The following CMSS1 variants were observed in gnomAD, a reference collection of about 807,000 sequenced individuals.
CMSS1 encodes the protein protein CMSS1.
CMSS1 carries 33 observed loss-of-function variants against 43.5 expected under a neutral mutation model. The ratio of observed to expected loss-of-function variants is 0.76; its 90% CI spans 0.57 to 1.01. The LOEUF (loss-of-function observed/expected upper bound fraction) is 1.01, where lower values mean the gene tolerates loss of function less well. CMSS1 is among the 50% of genes least tolerant of loss of function. The pLI, the probability that CMSS1 is intolerant of heterozygous loss-of-function variation, is 0.00. For synonymous variants in CMSS1, 115 were observed against 117.2 expected, an observed-to-expected ratio of 0.98 and a Z score of 0.12; for missense variants, 313 against 326.4, an observed-to-expected ratio of 0.96 and a Z score of 0.32.
At chr3:99,955,291 T>C (rs1708290499) in intron 1 of CMSS1, among the ~76,000 whole-genome samples, 1 of 152,196 alleles carries the variant, frequency 6.6e-6, no homozygotes, top group African/African-American at 2.4e-5. Flanking sequence ...AAGACTTTGA[T>C]TTTCAGAGTT....
chr3:99,999,392 T>G (rs1297698655), intron 1 of CMSS1, among the ~76,000 whole-genome samples: 1 of 152,176 alleles, frequency 6.6e-6, no homozygotes, highest in Non-Finnish European at 1.5e-5. Context: ...TGTGCAATAG[T>G]AGTTGTATTT....
At chr3:100,037,606 G>A (rs1025411156) in intron 1 of CMSS1, among the ~76,000 whole-genome samples, 5 of 152,120 alleles carry the variant, frequency 3.3e-5, no homozygotes, top group African/African-American at 1.2e-4. Flanking sequence ...CAATCTTTAT[G>A]TTCAAATCAT....
chr3:99,954,353 C>G (rs1383846811), intron 1 of CMSS1, among the ~76,000 whole-genome samples: 1 of 152,180 alleles, frequency 6.6e-6, no homozygotes, highest in Admixed American at 6.5e-5. Context: ...GCCAGTATCT[C>G]ACATAATAAT....
At chr3:99,967,488 G>A (rs1394076801) in intron 1 of CMSS1, among the ~76,000 whole-genome samples, 1 of 152,156 alleles carries the variant, frequency 6.6e-6, no homozygotes, top group African/African-American at 2.4e-5. Context: ...GATCCAGTGG[G>A]TCAACTGAAT....
rs2066847818 is a variant in CMSS1 at position 100,146,147 on chromosome 3, T to G, written c.65-826T>G. The stretch of plus-strand genomic sequence containing the variant: ...TTTAAAGGAAGCAAGCACTAAAATC[T>G]GAAAGGCAGCGCGACATTATGGGAA... On this transcript the variant is annotated intron_variant, in intron 1 of 9. Coordinates refer to ENST00000421999, the MANE Select transcript of CMSS1 (RefSeq NM_032359.4). 2.0e-5 allele frequency among the ~76,000 whole-genome samples: 3 copies of G among 152,252 alleles called. No individual in the cohort carries two copies. In the South Asian group the frequency reaches 6.2e-4, roughly 32 times the overall value.
chr3:99,913,683 A>G (rs1190782792), intron 1 of CMSS1, among the ~76,000 whole-genome samples: 2 of 152,206 alleles, frequency 1.3e-5, no homozygotes, highest in Admixed American at 6.5e-5. Context: ...ACAAGAAACT[A>G]TTCATGGTGG....
chr3:100,113,266 T>C (rs1029710930), intron 1 of CMSS1, among the ~76,000 whole-genome samples: 1 of 152,240 alleles, frequency 6.6e-6, no homozygotes, highest in Non-Finnish European at 1.5e-5. Flanking sequence ...ACCCTAAACA[T>C]TGAATAATCC....
intron 1 of CMSS1, among the ~76,000 whole-genome samples, chr3:100,131,290 T>A (rs1489719): frequency 0.038 from 5,812 of 152,242 alleles, 186 homozygotes; most frequent in East Asian, 0.17. Context: ...GTAATTTTAA[T>A]CCCCGTGCTA....
chr3:99,944,530 G>A (rs190117702), intron 1 of CMSS1, among the ~76,000 whole-genome samples: 7 of 152,260 alleles, frequency 4.6e-5, no homozygotes, highest in Admixed American at 1.3e-4. Flanking sequence ...ACACTAAATC[G>A]TTAGGCACTG....
At chr3:99,908,576 C>CT (rs886802800) in intron 1 of CMSS1, among the ~76,000 whole-genome samples, 1 of 152,118 alleles carries the variant, frequency 6.6e-6, no homozygotes, top group African/African-American at 2.4e-5. Context: ...TCCTTGAGGC[C>CT]TAATTCTCCT....
intron 1 of CMSS1, among the ~76,000 whole-genome samples, chr3:100,045,102 T>G (rs1469250083): frequency 6.6e-6 from 1 of 152,244 alleles, no homozygotes; most frequent in Admixed American, 6.5e-5. Flanking sequence ...AAAACAGATC[T>G]GGCGCTCACA....
chr3:100,162,573 T>G, intron 4 of CMSS1, 141 bp downstream of exon 4: 1 of 858,536 alleles, frequency 1.2e-6, no homozygotes, highest in East Asian at 2.9e-5. Flanking sequence ...TTTGGGAGAC[T>G]GAGGCTAGAG....
At chr3:100,093,741 ACTT>A (rs1262306479) in intron 1 of CMSS1, among the ~76,000 whole-genome samples, 1 of 152,172 alleles carries the variant, frequency 6.6e-6, no homozygotes, top group African/African-American at 2.4e-5. Context: ...GGCAATCACT[ACTT>A]CTCAATTTAT....
At chr3:100,020,033 G>A (rs1413795897) in intron 1 of CMSS1, among the ~76,000 whole-genome samples, 1 of 151,972 alleles carries the variant, frequency 6.6e-6, no homozygotes. Context: ...AATTACCCTG[G>A]GTAGTAGCCA....
intron 1 of CMSS1, among the ~76,000 whole-genome samples, chr3:100,089,131 A>G (rs1156673335): frequency 6.6e-6 from 1 of 152,196 alleles, no homozygotes; most frequent in East Asian, 1.9e-4. Context: ...TAAAAGTTAT[A>G]TAATATAGTT....
chr3:100,148,495 T>A (rs1446878145), intron 2 of CMSS1, among the ~76,000 whole-genome samples: 1 of 152,290 alleles, frequency 6.6e-6, no homozygotes, highest in South Asian at 2.1e-4. Context: ...TACACCAGAG[T>A]GTTATTCTAC....
chr3:100,064,378 A>T (rs1289794657), intron 1 of CMSS1, among the ~76,000 whole-genome samples: 1 of 150,372 alleles, frequency 6.7e-6, no homozygotes, highest in Non-Finnish European at 1.5e-5. Flanking sequence ...TTTCCAGCTA[A>T]TCCTGACCCC....
At chr3:99,979,592 A>G (rs1235014558) in intron 1 of CMSS1, among the ~76,000 whole-genome samples, 13 of 152,364 alleles carry the variant, frequency 8.5e-5, no homozygotes, top group Non-Finnish European at 1.5e-5. Context: ...AAATTCCACT[A>G]GAAAATGGTT....
At chr3:99,863,935 G>A (rs997440179) in intron 1 of CMSS1, among the ~76,000 whole-genome samples, 1 of 152,102 alleles carries the variant, frequency 6.6e-6, no homozygotes, top group Admixed American at 6.5e-5. Flanking sequence ...AACATTTCTT[G>A]GAGATCTTTC....
Sources: allele counts gnomAD v4.1 joint callset (sites outside exome capture counted in the v4.1 genomes callset), GRCh38; gene constraint gnomAD v4.1.1; transcripts MANE v1.5; gene names NCBI Gene and HGNC (gene_info 2026-07-23, HGNC 2026-07-21).